CIT: variants seen among roughly 807,000 people sequenced by gnomAD.
The protein encoded by CIT is citron rho-interacting serine/threonine kinase.
A neutral mutation model predicts 272.7 loss-of-function variants in CIT; 79 were observed. The observed-to-expected ratio is 0.29, with a 90% CI of 0.24 to 0.35. The LOEUF is 0.35. CIT is among the 10% of genes least tolerant of loss of function. The pLI is 1.00. For synonymous variants in CIT, 948 were observed against 995.6 expected, an observed-to-expected ratio of 0.95 and a Z score of 0.90; for missense variants, 1,909 against 2,618.3, an observed-to-expected ratio of 0.73 and a Z score of 5.91.
chr12:119,731,982 C>T (rs1958485375), intron 26 of CIT, among the ~76,000 whole-genome samples: 1 of 151,818 alleles, frequency 6.6e-6, no homozygotes, highest in Non-Finnish European at 1.5e-5. Flanking sequence ...ACTACAGGCA[C>T]GTGCCACCAA....
intron 41 of CIT, among the ~76,000 whole-genome samples, chr12:119,702,412 G>A (rs867985789): frequency 9.2e-5 from 14 of 152,152 alleles, no homozygotes; most frequent in African/African-American, 2.4e-4. Flanking sequence ...CAGGCTGGGC[G>A]CAGTAGCTTA....
Position 119,784,130 on chromosome 12 carries a change from AC to A in CIT, c.1402-80del. On this transcript the variant is annotated intron_variant, in intron 11 of 47. Transcript: ENST00000392521. This position sits in a 1 kb window ranked among gnomAD's most constrained non-coding sequence, Gnocchi z 4.7. ...AATCACATCTCAAGTAGCCTCCGAA[AC>A]CACCTGGTGGTCTGGGCTAAGGCTA... 6.2e-7 allele frequency: 1 copy of A among 1,612,956 alleles called. No individual in the cohort carries two copies. The highest frequency in any genetic ancestry group is 1.1e-5 in the South Asian group (1 of 90,816).
chr12:119,836,649 T>C (rs1969040023), intron 5 of CIT, among the ~76,000 whole-genome samples: 2 of 152,218 alleles, frequency 1.3e-5, no homozygotes, highest in Admixed American at 6.5e-5. Flanking sequence ...ACAATGCATA[T>C]TTATGACGAC....
intron 3 of CIT, among the ~76,000 whole-genome samples, chr12:119,862,978 G>T: frequency 6.7e-6 from 1 of 149,664 alleles, no homozygotes; most frequent in African/African-American, 2.4e-5. Context: ...GACGAGGCCG[G>T]CGGATCACAA....
chr12:119,698,818 A>T (rs1438882691), intron 44 of CIT, among the ~76,000 whole-genome samples: 1 of 152,212 alleles, frequency 6.6e-6, no homozygotes, highest in Non-Finnish European at 1.5e-5. Flanking sequence ...AAGTACTGGA[A>T]GGACAAGAAA....
In CIT at chr12:119,853,156, G is replaced by A. The variant is rs532638502; in HGVS notation, c.415-2881C>T. On this transcript the variant is annotated intron_variant, in intron 4 of 47. Coordinates refer to ENST00000392521, the MANE Select transcript of CIT (RefSeq NM_001206999.2). ...AGCCTAGCCAACATGGTGAAACCCC[G>A]TCTCTACTAAAAATACAAAAATTAG... Among the ~76,000 whole-genome samples, 11 of 151,964 alleles carry A rather than the reference G, an allele frequency of 7.2e-5. No individual in the cohort carries two copies. The East Asian group carries it at 7.8e-4, about 11-fold the overall frequency.
At chr12:119,730,766 T>C in intron 26 of CIT, 136 bp from the exon 27 acceptor site, 2 of 850,244 alleles carry the variant, frequency 2.4e-6, no homozygotes, top group Non-Finnish European at 3.5e-6. Flanking sequence ...TGACTCTTAG[T>C]TCCAAACTGT....
intron 17 of CIT, 125 bp from the exon 18 acceptor site, chr12:119,771,035 G>A (rs541044858): frequency 1.4e-5 from 15 of 1,104,936 alleles, no homozygotes; most frequent in African/African-American, 6.3e-5. Context: ...TCAGGCACCC[G>A]AAGCAACAGC....
chr12:119,723,397 TAAA>T (rs869077083), intron 28 of CIT, among the ~76,000 whole-genome samples: 1 of 40,828 alleles, frequency 2.4e-5, no homozygotes, highest in Non-Finnish European at 5.2e-5. Context: ...CCCTATACAT[TAAA>T]AAAAAAAAAA....
At chr12:119,747,288 G>A (rs1959565300) in intron 23 of CIT, among the ~76,000 whole-genome samples, 1 of 152,026 alleles carries the variant, frequency 6.6e-6, no homozygotes, top group Admixed American at 6.6e-5. Context: ...GGGAGTGGTG[G>A]CGCATGCCTG....
chr12:119,838,082 G>GT (rs966527103), intron 5 of CIT, among the ~76,000 whole-genome samples: 7 of 151,634 alleles, frequency 4.6e-5, no homozygotes, highest in South Asian at 2.1e-4. Flanking sequence ...GTTTTTTTGG[G>GT]TTTTTTTTGA....
At chr12:119,836,444 G>A (rs1969024798) in intron 5 of CIT, among the ~76,000 whole-genome samples, 1 of 152,102 alleles carries the variant, frequency 6.6e-6, no homozygotes, top group Admixed American at 6.6e-5. Context: ...CTGGCTGCCT[G>A]TAGCTCACCC....
chr12:119,823,396 CTG>C (rs1473833043), intron 8 of CIT, among the ~76,000 whole-genome samples: 1 of 152,212 alleles, frequency 6.6e-6, no homozygotes, highest in Non-Finnish European at 1.5e-5. Context: ...ACACAATGCG[CTG>C]TGATTTCAGT....
At chr12:119,806,440 T>C (rs1034294643) in intron 9 of CIT, among the ~76,000 whole-genome samples, 4 of 151,972 alleles carry the variant, frequency 2.6e-5, no homozygotes, top group African/African-American at 7.3e-5. Context: ...ATAAAGCAGA[T>C]AGAAAGAAGC....
chr12:119,704,237 A>C (rs1201103402), intron 41 of CIT, 126 bp downstream of exon 41: 1 of 813,954 alleles, frequency 1.2e-6, no homozygotes, highest in Non-Finnish European at 2.0e-6. Flanking sequence ...CCCCAGGCTA[A>C]AGGCCCGCAG....
intron 3 of CIT, among the ~76,000 whole-genome samples, chr12:119,860,706 T>C (rs1458411532): frequency 6.6e-6 from 1 of 151,946 alleles, no homozygotes; most frequent in Non-Finnish European, 1.5e-5. Context: ...GGCAAAACCA[T>C]GACAATACTC....
At chr12:119,780,293 G>A (rs767905242) in intron 13 of CIT, among the ~76,000 whole-genome samples, 1 of 152,098 alleles carries the variant, frequency 6.6e-6, no homozygotes, top group African/African-American at 2.4e-5. Context: ...TCTAGAGGGG[G>A]TAGCTAGGTG....
At chr12:119,709,787 AGTGTGTGT>A (rs150206566) in intron 39 of CIT, among the ~76,000 whole-genome samples, 43,644 of 107,542 alleles carry the variant, frequency 0.41, 9,290 homozygotes, top group Middle Eastern at 0.48. Context: ...AGAGAGAGAG[AGTGTGTGT>A]GTGTGTGTGT....
At position 119,686,731 on chromosome 12, in the gene CIT, C is replaced by T. The variant is rs898003861; in HGVS notation, c.*1501G>A. The T allele has an allele frequency of 1.3e-5, 2 of 152,554 alleles. No individual in the cohort carries two copies. The highest frequency in any genetic ancestry group is 1.9e-4 in the East Asian group (1 of 5,174). The allele number at this position is 152,554 out of a possible 1,614,324, so 9.5% of individuals were successfully genotyped here. A position where few individuals can be genotyped will look rare whatever the true frequency, so the allele number is the denominator to read the frequency against. Reference sequence around the variant, plus strand: ...GGGAGATTAAAGGCAGAAATAAGGCCGCGAGTTAGCTTGCCAACTGCAAAG... The same window carrying T: ...GGGAGATTAAAGGCAGAAATAAGGCTGCGAGTTAGCTTGCCAACTGCAAAG... On this transcript the variant is annotated 3_prime_UTR_variant, in exon 48 of 48. Transcript: ENST00000392521.
Sources: gnomAD v4.1 joint callset for allele counts (sites outside exome capture counted in the v4.1 genomes callset) on GRCh38, gnomAD v4.1.1 for gene constraint, Gnocchi (gnomAD v3.1) non-coding constraint, MANE v1.5 for transcripts, NCBI Gene and HGNC (gene_info 2026-07-23, HGNC 2026-07-21) for gene names.